The following PRMT8 variants were observed in gnomAD, a reference collection of about 807,000 sequenced individuals.
The protein encoded by PRMT8 is protein arginine N-methyltransferase 8.
PRMT8 carries 7 observed loss-of-function variants against 47.1 expected under a neutral mutation model. The ratio of observed to expected loss-of-function variants is 0.15; its 90% CI spans 0.08 to 0.28. The LOEUF (loss-of-function observed/expected upper bound fraction) is 0.28, where lower values mean the gene tolerates loss of function less well. PRMT8 is among the 10% of genes least tolerant of loss of function. The pLI, the probability that PRMT8 is intolerant of heterozygous loss-of-function variation, is 1.00. For synonymous variants in PRMT8, 188 were observed against 186.5 expected, an observed-to-expected ratio of 1.01 and a Z score of -0.07; for missense variants, 237 against 505.4, an observed-to-expected ratio of 0.47 and a Z score of 5.09.
chr12:3,412,102 G>T (rs1221794052), intron 1 of PRMT8, among the ~76,000 whole-genome samples: 1 of 152,188 alleles, frequency 6.6e-6, no homozygotes. Flanking sequence ...CACAAACCTA[G>T]ATGCTATAAC....
intron 1 of PRMT8, among the ~76,000 whole-genome samples, chr12:3,432,792 T>C (rs59082517): frequency 0.016 from 2,382 of 152,282 alleles, 36 homozygotes; most frequent in Middle Eastern, 0.02. Flanking sequence ...TGTTTTGTTT[T>C]GTTTTGAAAA....
At chr12:3,469,905 G>A (rs1231614332) in intron 1 of PRMT8, among the ~76,000 whole-genome samples, 3 of 152,054 alleles carry the variant, frequency 2.0e-5, no homozygotes, top group East Asian at 1.9e-4. Context: ...GTGCCACCCC[G>A]CAGACACACA....
At chr12:3,381,511 G>A (rs537765133) in intron 1 of PRMT8, 1 of 1,466,086 alleles carries the variant, frequency 6.8e-7, no homozygotes, top group African/African-American at 1.4e-5. Flanking sequence ...AATTTATCTT[G>A]ACCCCGTGTG....
intron 1 of PRMT8, among the ~76,000 whole-genome samples, chr12:3,509,925 A>T (rs1403779015): frequency 1.3e-5 from 2 of 152,254 alleles, no homozygotes; most frequent in Non-Finnish European, 2.9e-5. Context: ...CATAAGTCTC[A>T]GAAAGGGCTA....
intron 1 of PRMT8, among the ~76,000 whole-genome samples, chr12:3,447,964 T>A (rs1399880901): frequency 2.6e-5 from 4 of 152,204 alleles, no homozygotes; most frequent in Non-Finnish European, 5.9e-5. Context: ...ATTGTCTACA[T>A]CTAGAGTTAA....
intron 8 of PRMT8, among the ~76,000 whole-genome samples, chr12:3,591,820 T>G (rs930994538): frequency 6.6e-6 from 1 of 152,242 alleles, no homozygotes; most frequent in Non-Finnish European, 1.5e-5. Context: ...GGGCCTACTC[T>G]ACAAATCTCT....
intron 1 of PRMT8, among the ~76,000 whole-genome samples, chr12:3,428,954 G>A (rs749147237): frequency 7.2e-6 from 1 of 139,314 alleles, no homozygotes; most frequent in Admixed American, 7.1e-5. Context: ...TCCTCTCTCC[G>A]CCTCTCTCTA....
chr12:3,491,375 G>T lies in PRMT8; in HGVS notation c.-251G>T. 2 of 1,204,284 alleles carry T rather than the reference G, an allele frequency of 1.7e-6. No individual in the cohort carries two copies. Among genetic ancestry groups the T allele is most frequent in the Non-Finnish European group, 2.1e-6 (2 of 968,480 alleles). 74.6% of individuals were successfully genotyped at this position (1,204,284 alleles called of 1,614,324 possible). ...AGCGCGGGTGGAGAGGGGCGGGGAG[G>T]GGGTCGGGGGCACGAGAAGAACTTG... On this transcript the variant is annotated 5_prime_UTR_variant, in exon 1 of 10. Coordinates refer to ENST00000382622, the MANE Select transcript of PRMT8 (RefSeq NM_019854.5).
chr12:3,394,266 A>T (rs557007022), intron 1 of PRMT8, among the ~76,000 whole-genome samples: 16 of 152,318 alleles, frequency 1.1e-4, no homozygotes, highest in African/African-American at 3.6e-4. Flanking sequence ...GAGTGGTGAG[A>T]GAGGGCATCC....
At chr12:3,395,503 T>A (rs893311787) in intron 1 of PRMT8, among the ~76,000 whole-genome samples, 4 of 152,040 alleles carry the variant, frequency 2.6e-5, no homozygotes, top group African/African-American at 9.7e-5. Flanking sequence ...TTGTTCAGTT[T>A]CCATGTAGTT....
chr12:3,411,068 A>G (rs1466477467), intron 1 of PRMT8, among the ~76,000 whole-genome samples: 2 of 152,196 alleles, frequency 1.3e-5, no homozygotes, highest in African/African-American at 4.8e-5. Context: ...GCTTGGCTTC[A>G]GTCTTTGGAG....
intron 1 of PRMT8, among the ~76,000 whole-genome samples, chr12:3,495,470 A>G (rs376197751): frequency 1.3e-5 from 2 of 152,150 alleles, no homozygotes; most frequent in East Asian, 1.9e-4. Flanking sequence ...CTGGAAAACA[A>G]TCTTTTTCAA....
At chr12:3,387,394 T>C (rs1864151139) in intron 1 of PRMT8, among the ~76,000 whole-genome samples, 2 of 152,358 alleles carry the variant, frequency 1.3e-5, no homozygotes, top group African/African-American at 4.8e-5. Context: ...CCTTATTATG[T>C]GTATACTTTA....
rs1865464755 is a variant in PRMT8 at position 3,493,917 on chromosome 12, C to T, written c.75+2217C>T. On this transcript the variant is annotated intron_variant, in intron 1 of 9. Transcript: ENST00000382622. This position sits in a 1 kb window ranked among gnomAD's most constrained non-coding sequence, Gnocchi z 8.2. ...GGCGGATCGGTTCTTAGCAACTTCC[C>T]TGGAGAAGGGGTAGAACCCAGACTT... 6.6e-6 allele frequency among the ~76,000 whole-genome samples: 1 copy of T among 152,244 alleles called. No homozygotes were observed. Among genetic ancestry groups the T allele is most frequent in the African/African-American group, 2.4e-5 (1 of 41,460 alleles).
At chr12:3,559,293 G>A (rs997679471) in intron 4 of PRMT8, among the ~76,000 whole-genome samples, 1 of 151,952 alleles carries the variant, frequency 6.6e-6, no homozygotes, top group African/African-American at 2.4e-5. Flanking sequence ...GGCTTGTCTT[G>A]TGCCTCCATG....
At chr12:3,496,584 C>G (rs183167355) in intron 1 of PRMT8, among the ~76,000 whole-genome samples, 1 of 152,100 alleles carries the variant, frequency 6.6e-6, no homozygotes, top group East Asian at 1.9e-4. Context: ...CAATCCAGTT[C>G]TGGACCTAGT....
rs114183350 is a variant in PRMT8, at chr12:3,494,300, C to G, written c.75+2600C>G. Among the ~76,000 whole-genome samples the G allele has an allele frequency of 8.3e-3, 1,261 of 152,294 alleles. 17 individuals carry two copies. Among genetic ancestry groups the G allele is most frequent in the African/African-American group, 0.028 (1,158 of 41,556 alleles). ...CTATGATGGATAATCCTGTAGCCAC[C>G]TTTTCCTGCTTTTTGTTGTTTATCT... is the stretch of plus-strand genomic sequence containing the variant. On this transcript the variant is annotated intron_variant, in intron 1 of 9. Transcript: ENST00000382622.
intron 1 of PRMT8, among the ~76,000 whole-genome samples, chr12:3,462,176 G>T (rs562278820): frequency 6.6e-6 from 1 of 152,110 alleles, no homozygotes; most frequent in East Asian, 1.9e-4. Context: ...AGTTTGCTAA[G>T]GATGATAACC....
At chr12:3,490,858 G>T (rs536648438), upstream of PRMT8, among the ~76,000 whole-genome samples, 1 of 151,102 alleles carries the variant, frequency 6.6e-6, no homozygotes, top group South Asian at 2.1e-4. Flanking sequence ...AGGAGCGGGA[G>T]AGCTGGGGTG....
Sources: allele counts gnomAD v4.1 joint callset (sites outside exome capture counted in the v4.1 genomes callset), GRCh38; gene constraint gnomAD v4.1.1; non-coding constraint Gnocchi (gnomAD v3.1); transcripts MANE v1.5; gene names NCBI Gene and HGNC (gene_info 2026-07-23, HGNC 2026-07-21).